Variants in NELL2 observed in about 807,000 individuals in gnomAD.
NELL2 encodes neural EGFL like 2, also known as protein kinase C-binding protein NELL2.
Under a neutral mutation model 109.6 loss-of-function variants are expected in NELL2, and 41 were observed. The observed-to-expected ratio is 0.37, with a 90% CI of 0.29 to 0.49. The LOEUF (loss-of-function observed/expected upper bound fraction) is 0.49, where lower values mean the gene tolerates loss of function less well. Among genes scored for constraint, NELL2 ranks in the 20% least tolerant of loss-of-function variants. NELL2 has a pLI of 0.98. For missense variants in NELL2, 900 were observed against 1,008.3 expected, an observed-to-expected ratio of 0.89 and a Z score of 1.45; for synonymous variants, 355 against 344.7, an observed-to-expected ratio of 1.03 and a Z score of -0.33.
chr12:44,648,702 A>G (rs1947181889), intron 13 of NELL2, among the ~76,000 whole-genome samples: 2 of 146,524 alleles, frequency 1.4e-5, no homozygotes, highest in African/African-American at 5.1e-5. Flanking sequence ...TGGGAATAAC[A>G]ATGCCATCAT....
intron 13 of NELL2, among the ~76,000 whole-genome samples, chr12:44,619,237 G>T (rs972561321): frequency 2.6e-5 from 4 of 152,130 alleles, no homozygotes; most frequent in African/African-American, 7.2e-5. Flanking sequence ...GTATAAAAAG[G>T]CCCTCAAGTA....
At chr12:44,601,285 T>C (rs975516693) in intron 15 of NELL2, among the ~76,000 whole-genome samples, 31 of 151,958 alleles carry the variant, frequency 2.0e-4, no homozygotes, top group African/African-American at 7.5e-4. Context: ...ATATATAGAG[T>C]GAGTTAGATT....
At chr12:44,879,437 T>A (rs1945386245), upstream of NELL2, among the ~76,000 whole-genome samples, 1 of 152,108 alleles carries the variant, frequency 6.6e-6, no homozygotes, top group South Asian at 2.1e-4. Context: ...TTAGATCCCT[T>A]CCTACCATAT....
chr12:44,745,439 G>A (rs188425180), intron 9 of NELL2, among the ~76,000 whole-genome samples: 8,074 of 152,014 alleles, frequency 0.053, 676 homozygotes, highest in African/African-American at 0.18. Context: ...TAGTGTTGGA[G>A]GTTCTGGCCA....
intron 9 of NELL2, among the ~76,000 whole-genome samples, chr12:44,763,122 G>A (rs957394359): frequency 2.0e-5 from 3 of 152,108 alleles, no homozygotes; most frequent in Non-Finnish European, 4.4e-5. Context: ...AGGAACTGTG[G>A]TCTGAAGAGA....
chr12:44,674,936 G>A (rs1273315752), intron 12 of NELL2, among the ~76,000 whole-genome samples: 2 of 152,082 alleles, frequency 1.3e-5, no homozygotes, highest in Non-Finnish European at 2.9e-5. Flanking sequence ...ATTCAAGAGG[G>A]TAGAGAGCTT....
intron 13 of NELL2, among the ~76,000 whole-genome samples, chr12:44,644,861 G>A (rs1451543737): frequency 1.3e-5 from 2 of 151,512 alleles, no homozygotes; most frequent in African/African-American, 2.4e-5. Context: ...TCCTTGTTTT[G>A]TGGGTGTACA....
At chr12:44,753,457 T>C (rs1940745593) in intron 9 of NELL2, among the ~76,000 whole-genome samples, 1 of 152,188 alleles carries the variant, frequency 6.6e-6, no homozygotes, top group Non-Finnish European at 1.5e-5. Flanking sequence ...TCTGTCTTTA[T>C]CATCCACAGT....
At chr12:44,913,965 C>G (rs1945806671), upstream of NELL2, 2 of 352,438 alleles carry the variant, frequency 5.7e-6, no homozygotes, top group South Asian at 7.9e-5. Context: ...TCATTTCTCT[C>G]ACATCCCACA....
intron 15 of NELL2, among the ~76,000 whole-genome samples, chr12:44,566,508 C>G (rs1943662597): frequency 1.4e-5 from 2 of 147,538 alleles, no homozygotes; most frequent in Non-Finnish European, 3.0e-5. Flanking sequence ...TTTTTTGCAT[C>G]TACACTAGTA....
chr12:44,597,090 T>G (rs1944996118), intron 15 of NELL2, among the ~76,000 whole-genome samples: 1 of 152,160 alleles, frequency 6.6e-6, no homozygotes, highest in African/African-American at 2.4e-5. Flanking sequence ...GATCTATCCC[T>G]TTTTCCTATG....
At chr12:44,576,225 A>G (rs1944078633) in intron 15 of NELL2, among the ~76,000 whole-genome samples, 1 of 152,140 alleles carries the variant, frequency 6.6e-6, no homozygotes, top group Non-Finnish European at 1.5e-5. Flanking sequence ...CCCACGCACA[A>G]CGTGGATGGC....
chr12:44,545,263 A>T (rs1942745225), intron 15 of NELL2, among the ~76,000 whole-genome samples: 1 of 152,088 alleles, frequency 6.6e-6, no homozygotes, highest in Admixed American at 6.6e-5. Flanking sequence ...ACCAATGTGT[A>T]AGATACAAGA....
intron 9 of NELL2, among the ~76,000 whole-genome samples, chr12:44,734,952 C>T (rs1046087856): frequency 2.0e-5 from 3 of 151,990 alleles, no homozygotes; most frequent in Non-Finnish European, 4.4e-5. Context: ...AAGCCATTTT[C>T]CTTCCATATA....
chr12:44,587,284 A>AAAAAAAAAAAAAAAAAAAT, intron 15 of NELL2, among the ~76,000 whole-genome samples: 5 of 72,206 alleles, frequency 6.9e-5, no homozygotes, highest in South Asian at 6.8e-4. Flanking sequence ...AAAAAAAAAA[A>AAAAAAAAAAAAAAAAAAAT]ATATATATAT....
chr12:44,786,373 A>T (rs555470816), intron 3 of NELL2, among the ~76,000 whole-genome samples: 1 of 152,272 alleles, frequency 6.6e-6, no homozygotes, highest in Admixed American at 6.5e-5. Flanking sequence ...AAGTCAGGAA[A>T]CAACAGATTC....
chr12:44,645,098 A>C (rs546165915), intron 13 of NELL2, among the ~76,000 whole-genome samples: 1 of 152,150 alleles, frequency 6.6e-6, no homozygotes, highest in Non-Finnish European at 1.5e-5. Flanking sequence ...ATTCACGAAG[A>C]AAAAAGAAGA....
At chr12:44,642,062 G>A (rs1025053738) in intron 13 of NELL2, among the ~76,000 whole-genome samples, 2 of 151,922 alleles carry the variant, frequency 1.3e-5, no homozygotes, top group African/African-American at 4.8e-5. Flanking sequence ...TTCCTTCCTT[G>A]CCCAATTCAG....
chr12:44,886,855 C>A (rs1369447769), intron 1 of NELL2, among the ~76,000 whole-genome samples: 3 of 151,924 alleles, frequency 2.0e-5, no homozygotes, highest in African/African-American at 7.3e-5. Flanking sequence ...ACAATATAAT[C>A]TCTGTCTTTA....
Sources: gnomAD v4.1 joint callset for allele counts (sites outside exome capture counted in the v4.1 genomes callset) on GRCh38, gnomAD v4.1.1 for gene constraint, MANE v1.5 for transcripts, NCBI Gene and HGNC (gene_info 2026-07-23, HGNC 2026-07-21) for gene names.